Variants in PRH1 observed in about 807,000 individuals in gnomAD.
The protein encoded by PRH1 is salivary acidic proline-rich phosphoprotein 1/2.
Under a neutral mutation model 7.9 loss-of-function variants are expected in PRH1, and 7 were observed. The observed-to-expected ratio is 0.89, with a 90% CI of 0.50 to 1.67. The LOEUF is 1.67. Among genes scored for constraint, PRH1 ranks in the 40% most tolerant of loss-of-function variants. PRH1 has a pLI of 0.00. For missense variants in PRH1, 109 were observed against 223.6 expected (o/e 0.49, Z 3.27); for synonymous variants, 45 against 80.8 (o/e 0.56, Z 2.38).
At chr12:11,091,787 T>C (rs547520631) in intron 1 of PRH1, 1 of 1,438,378 alleles carries the variant, frequency 7.0e-7, no homozygotes, top group Middle Eastern at 1.7e-4. Context: ...CTCATTCATG[T>C]TTATCACAAA....
intron 2 of PRH1, among the ~76,000 whole-genome samples, chr12:10,941,387 T>C (rs1420719545): frequency 6.6e-6 from 1 of 152,144 alleles, no homozygotes; most frequent in African/African-American, 2.4e-5. Context: ...GAAATTAGAA[T>C]AAAAACTCAG....
At chr12:10,884,083 C>T in intron 1 of PRH1, 71 bp downstream of exon 1, 1 of 1,589,180 alleles carries the variant, frequency 6.3e-7, no homozygotes, top group Non-Finnish European at 8.6e-7. Context: ...CTTCCCTCCA[C>T]TTTCCTCCTC....
At chr12:10,931,042 C>T (rs373801794) in intron 2 of PRH1, 88 of 1,587,514 alleles carry the variant, frequency 5.5e-5, no homozygotes, top group Non-Finnish European at 7.3e-5. Context: ...AGGACCTCCA[C>T]AGGGGCAGTC....
At chr12:10,902,003 C>A (rs1433524294) in intron 2 of PRH1, among the ~76,000 whole-genome samples, 1 of 152,038 alleles carries the variant, frequency 6.6e-6, no homozygotes, top group African/African-American at 2.4e-5. Flanking sequence ...ACCTCTCCAG[C>A]AATGGTCCCT....
chr12:11,066,914 A>G (rs1453887947), intron 1 of PRH1, among the ~76,000 whole-genome samples: 1 of 152,098 alleles, frequency 6.6e-6, no homozygotes, highest in African/African-American at 2.4e-5. Context: ...AATTCATAGC[A>G]AAAGTGACAT....
intron 1 of PRH1, among the ~76,000 whole-genome samples, chr12:11,035,956 C>T (rs1314979391): frequency 6.6e-6 from 1 of 152,150 alleles, no homozygotes; most frequent in Non-Finnish European, 1.5e-5. Flanking sequence ...TGCAGTGGCG[C>T]GATCTCGGCT....
At chr12:11,004,496 C>T (rs1003873372) in intron 1 of PRH1, among the ~76,000 whole-genome samples, 1 of 152,062 alleles carries the variant, frequency 6.6e-6, no homozygotes, top group African/African-American at 2.4e-5. Flanking sequence ...CGAAGTGAGA[C>T]TGTCTCAAAA....
chr12:10,923,140 T>C (rs1950075394), intron 2 of PRH1, among the ~76,000 whole-genome samples: 2 of 151,060 alleles, frequency 1.3e-5, no homozygotes, highest in Non-Finnish European at 3.0e-5. Flanking sequence ...TTTTTTTTTT[T>C]TTGAGACAGA....
chr12:11,071,678 A>G (rs1388794357), intron 1 of PRH1, among the ~76,000 whole-genome samples: 1 of 151,936 alleles, frequency 6.6e-6, no homozygotes, highest in African/African-American at 2.4e-5. Flanking sequence ...CAAGAAGGCC[A>G]GCAAGTTGGG....
chr12:11,054,795 C>CT (rs71051560), intron 1 of PRH1, among the ~76,000 whole-genome samples: 693 of 52,796 alleles, frequency 0.013, 133 homozygotes, highest in African/African-American at 0.042. Context: ...TCTGATGTTT[C>CT]TTTTTTTTTT....
chr12:10,922,892 A>G (rs10845246), intron 2 of PRH1, among the ~76,000 whole-genome samples: 56,236 of 126,372 alleles, frequency 0.45, 14,491 homozygotes, highest in East Asian at 0.69. Flanking sequence ...GCAGTGGCGC[A>G]ATCTCGGCTC....
In PRH1 at chr12:11,094,449, CTTG is replaced by C. The variant is rs1945027910; in HGVS notation, n.124-47264_124-47262del. Among the ~76,000 whole-genome samples the C allele has an allele frequency of 1.8e-5, 2 of 113,982 alleles. 1 individual carries two copies. The highest frequency in any genetic ancestry group is 4.1e-5 in the Non-Finnish European group (2 of 48,556). The allele number at this position is 113,982 out of a possible 152,430, so 74.8% of individuals were successfully genotyped here. Reference sequence around the variant, plus strand: ...CAAGAGTGTGGGAAATATGTACATCCTTGTTGTGTCAGGAATTCAGGAGCCAAA... The same window carrying C: ...CAAGAGTGTGGGAAATATGTACATCCTTGTGTCAGGAATTCAGGAGCCAAA... On this transcript the variant is annotated intron_variant and non_coding_transcript_variant, in intron 1 of 4. Coordinates refer to the PRH1 transcript ENST00000541977.
upstream of PRH1, among the ~76,000 whole-genome samples, chr12:10,887,216 G>A (rs1304484111): frequency 6.6e-6 from 1 of 152,156 alleles, no homozygotes; most frequent in Non-Finnish European, 1.5e-5. Flanking sequence ...AAGATGGTTT[G>A]CCAGGAAAGA....
intron 1 of PRH1, among the ~76,000 whole-genome samples, chr12:11,160,517 C>T (rs1448092335): frequency 6.6e-6 from 1 of 152,138 alleles, no homozygotes; most frequent in Non-Finnish European, 1.5e-5. Context: ...ATCACACAGG[C>T]TGTACTGCAG....
At chr12:11,071,707 C>T (rs1196018548) in intron 1 of PRH1, among the ~76,000 whole-genome samples, 3 of 126,172 alleles carry the variant, frequency 2.4e-5, no homozygotes, top group Admixed American at 1.6e-4. Context: ...TGACAGCACT[C>T]TTCCTTAGAG....
At chr12:11,101,830 A>G (rs1016027382) in intron 1 of PRH1, among the ~76,000 whole-genome samples, 5 of 152,218 alleles carry the variant, frequency 3.3e-5, no homozygotes, top group Admixed American at 1.3e-4. Flanking sequence ...TAAGCTGATA[A>G]GCAACTTCAG....
intron 1 of PRH1, among the ~76,000 whole-genome samples, chr12:11,068,085 A>G (rs1943904255): frequency 6.6e-6 from 1 of 152,098 alleles, no homozygotes; most frequent in African/African-American, 2.4e-5. Context: ...AACCTAATAA[A>G]CAGTAAGAGA....
chr12:10,916,810 G>A (rs897543381), intron 2 of PRH1, among the ~76,000 whole-genome samples: 8 of 151,824 alleles, frequency 5.3e-5, no homozygotes, highest in Admixed American at 2.6e-4. Context: ...CATTTTGGGA[G>A]GCCAAAATGG....
Position 11,157,488 on chromosome 12 carries a change from T to C in PRH1, n.39+13934A>G, listed in dbSNP as rs369241690. Among the ~76,000 whole-genome samples, 4 of 152,356 alleles carry C rather than the reference T, an allele frequency of 2.6e-5. No homozygotes were observed. The East Asian group carries it at 7.7e-4, about 29-fold the overall frequency. On this transcript the variant is annotated intron_variant and non_coding_transcript_variant, in intron 1 of 1. Coordinates refer to the PRH1 transcript ENST00000541175. Reference sequence around the variant, plus strand: ...TTGGTTCATTGACTTTTAAAGCCTCTCTTTTGAAATAAGAGTTTAATTATA... The same window carrying C: ...TTGGTTCATTGACTTTTAAAGCCTCCCTTTTGAAATAAGAGTTTAATTATA...
Sources: gnomAD v4.1 joint callset for allele counts (sites outside exome capture counted in the v4.1 genomes callset) on GRCh38, gnomAD v4.1.1 for gene constraint, MANE v1.5 for transcripts, NCBI Gene and HGNC (gene_info 2026-07-23, HGNC 2026-07-21) for gene names.